MAP2K6: variants seen among roughly 807,000 people sequenced by gnomAD.
MAP2K6 encodes the protein mitogen-activated protein kinase kinase 6.
Under a neutral mutation model 53.7 loss-of-function variants are expected in MAP2K6, and 16 were observed. That is an observed-to-expected ratio of 0.30 (90% CI 0.20 to 0.45). The LOEUF is 0.45. Among genes scored for constraint, MAP2K6 ranks in the 20% least tolerant of loss-of-function variants. The probability of loss-of-function intolerance (pLI) is 1.00; values close to 1 mark genes in which losing one functional copy is unlikely to be tolerated. For synonymous variants in MAP2K6, 132 were observed against 143.1 expected (o/e 0.92, Z 0.55); for missense variants, 204 against 411.9 (o/e 0.50, Z 4.37).
Position 69,414,842 on chromosome 17 carries a change from C to A in MAP2K6, c.-143C>A. The A allele has an allele frequency of 1.4e-6, 1 of 693,858 alleles. No homozygotes were observed. Among genetic ancestry groups the A allele is most frequent in the Non-Finnish European group, 2.5e-6 (1 of 393,696 alleles). The allele number at this position is 693,858 out of a possible 1,614,324, so 43.0% of individuals were successfully genotyped here. A position where few individuals can be genotyped will look rare whatever the true frequency, so the allele number is the denominator to read the frequency against. On this transcript the variant is annotated 5_prime_UTR_variant, in exon 1 of 12. Transcript: ENST00000590474. ...TTTCCATCTTGATTCCCTGAAAGTC[C>A]ATCTGCTGCATCGGTCAAGAGAAAC...
At chr17:69,496,816 G>A (rs559230903) in intron 1 of MAP2K6, among the ~76,000 whole-genome samples, 2 of 151,962 alleles carry the variant, frequency 1.3e-5, no homozygotes, top group Admixed American at 6.6e-5. Context: ...CGTCCCTGCA[G>A]CATCTTATAC....
chr17:69,546,816 A>T lies in MAP2K6; in HGVS notation c.*5063A>T, dbSNP rs1426484962. 3 of 152,022 alleles carry T rather than the reference A, an allele frequency of 2.0e-5. No individual in the cohort carries two copies. Among genetic ancestry groups the T allele is most frequent in the East Asian group, 3.9e-4 (2 of 5,184 alleles). 9.4% of individuals were successfully genotyped at this position (152,022 alleles called of 1,614,324 possible). A position where few individuals can be genotyped will look rare whatever the true frequency, so the allele number is the denominator to read the frequency against. ...TGCTTTTAATGAATTAGCAAGTGAA[A>T]AGGTATTTGAATAAATGTCAACTTC... On this transcript the variant is annotated 3_prime_UTR_variant, in exon 12 of 12. Transcript: ENST00000590474.
At position 69,456,582 on chromosome 17, in the gene MAP2K6, G is replaced by T. The variant is rs538641290; in HGVS notation, c.16+41582G>T. ...AGGGTGAGGTGTTGTTGTGTACAGA[G>T]ATTTGCTTGACTGGATCAATTGTTT... On this transcript the variant is annotated intron_variant, in intron 1 of 11. Transcript: ENST00000590474. Among the ~76,000 whole-genome samples, 328 of 152,272 alleles carry T rather than the reference G, an allele frequency of 2.2e-3. 4 individuals are homozygous for T. Among genetic ancestry groups the T allele is most frequent in the Non-Finnish European group, 1.9e-3 (132 of 68,032 alleles).
chr17:69,499,332 T>C (rs1005169987), intron 1 of MAP2K6, among the ~76,000 whole-genome samples: 5 of 152,232 alleles, frequency 3.3e-5, no homozygotes, highest in Non-Finnish European at 7.3e-5. Context: ...AAGTATTTAT[T>C]GAGCACCTAT....
At chr17:69,480,927 TAG>T (rs4020062) in intron 1 of MAP2K6, among the ~76,000 whole-genome samples, 78,093 of 151,506 alleles carry the variant, frequency 0.52, 21,374 homozygotes, top group African/African-American at 0.71. Context: ...AACCTTAGTT[TAG>T]ATGAAATGTG....
intron 1 of MAP2K6, among the ~76,000 whole-genome samples, chr17:69,490,732 T>C (rs1329981638): frequency 6.6e-6 from 1 of 152,144 alleles, no homozygotes; most frequent in African/African-American, 2.4e-5. Flanking sequence ...TAAGTTTTGT[T>C]TTACGTTCAG....
At chr17:69,517,810 T>C (rs932110945) in intron 4 of MAP2K6, among the ~76,000 whole-genome samples, 197 bp downstream of exon 4, 1 of 152,302 alleles carries the variant, frequency 6.6e-6, no homozygotes, top group East Asian at 1.9e-4. Context: ...TACTTTTTAT[T>C]TGTTTTTTTA....
intron 1 of MAP2K6, among the ~76,000 whole-genome samples, chr17:69,499,979 A>T (rs1168805744): frequency 6.6e-6 from 1 of 152,176 alleles, no homozygotes; most frequent in Non-Finnish European, 1.5e-5. Context: ...TGTGTTCAGG[A>T]AGCTCTGGGA....
chr17:69,493,780 A>ATAT (rs5821715), intron 1 of MAP2K6, among the ~76,000 whole-genome samples: 16,444 of 151,480 alleles, frequency 0.11, 1,101 homozygotes, highest in Non-Finnish European at 0.15. Context: ...GAAAAAAAAA[A>ATAT]ATATATGTAT....
intron 1 of MAP2K6, among the ~76,000 whole-genome samples, chr17:69,498,744 C>T (rs904499180): frequency 4.6e-5 from 7 of 151,792 alleles, no homozygotes; most frequent in Admixed American, 2.6e-4. Flanking sequence ...GGGTACAGGG[C>T]GTTATCCAGT....
chr17:69,544,823 A>G lies in MAP2K6; in HGVS notation c.*3070A>G, dbSNP rs994113040. On this transcript the variant is annotated 3_prime_UTR_variant, in exon 12 of 12. Coordinates refer to ENST00000590474, the MANE Select transcript of MAP2K6 (RefSeq NM_002758.4). ...GAGTAGCCATCTTGAGAGACTACAT[A>G]TTTATATTCATAATGCTATTAAATT... 1 of 152,188 alleles carries G rather than the reference A, an allele frequency of 6.6e-6. No homozygotes were observed. The highest frequency in any genetic ancestry group is 1.9e-4 in the East Asian group (1 of 5,200). 9.4% of individuals were successfully genotyped at this position (152,188 alleles called of 1,614,324 possible). A position where few individuals can be genotyped will look rare whatever the true frequency, so the allele number is the denominator to read the frequency against.
intron 1 of MAP2K6, among the ~76,000 whole-genome samples, chr17:69,481,619 C>A (rs1908353840): frequency 6.6e-6 from 1 of 152,092 alleles, no homozygotes; most frequent in African/African-American, 2.4e-5. Context: ...GGATTAATAT[C>A]TTCTGAGGCC....
At chr17:69,488,069 G>T (rs952530275) in intron 1 of MAP2K6, among the ~76,000 whole-genome samples, 54 of 152,154 alleles carry the variant, frequency 3.5e-4, no homozygotes, top group Admixed American at 2.2e-3. Context: ...TCCAACAAAG[G>T]TTTAATATCT....
intron 1 of MAP2K6, among the ~76,000 whole-genome samples, chr17:69,424,880 G>A (rs975428279): frequency 7.9e-5 from 12 of 152,178 alleles, no homozygotes; most frequent in Non-Finnish European, 1.5e-4. Flanking sequence ...GTTGAAGGAG[G>A]CTGATTACAA....
intron 1 of MAP2K6, among the ~76,000 whole-genome samples, chr17:69,489,831 C>T (rs1054779616): frequency 1.3e-5 from 2 of 152,194 alleles, no homozygotes; most frequent in African/African-American, 4.8e-5. Context: ...CCAGAAGTGT[C>T]ACCAGTGGGA....
At chr17:69,483,847 G>A (rs1390728458) in intron 1 of MAP2K6, among the ~76,000 whole-genome samples, 1 of 152,064 alleles carries the variant, frequency 6.6e-6, no homozygotes, top group East Asian at 1.9e-4. Flanking sequence ...CAGGGGGAAA[G>A]GAGTAGTCTT....
At chr17:69,437,838 G>A (rs1906697782) in intron 1 of MAP2K6, among the ~76,000 whole-genome samples, 1 of 152,198 alleles carries the variant, frequency 6.6e-6, no homozygotes, top group South Asian at 2.1e-4. Context: ...ACAATGTATG[G>A]CCTTTTGTGT....
At chr17:69,532,249 T>C (rs1345344305) in intron 10 of MAP2K6, among the ~76,000 whole-genome samples, 1 of 152,196 alleles carries the variant, frequency 6.6e-6, no homozygotes, top group Admixed American at 6.5e-5. Flanking sequence ...TTTTGACAAA[T>C]GTATGCCTTG....
chr17:69,443,978 C>T (rs1906896466), intron 1 of MAP2K6, among the ~76,000 whole-genome samples: 1 of 152,038 alleles, frequency 6.6e-6, no homozygotes, highest in Non-Finnish European at 1.5e-5. Context: ...GTGTATTGTC[C>T]TTAGGATATT....
Sources: gnomAD v4.1 joint callset for allele counts (sites outside exome capture counted in the v4.1 genomes callset) on GRCh38, gnomAD v4.1.1 for gene constraint, MANE v1.5 for transcripts, NCBI Gene and HGNC (gene_info 2026-07-23, HGNC 2026-07-21) for gene names.